The following PRKCZ variants were observed in gnomAD, a reference collection of about 807,000 sequenced individuals.
PRKCZ encodes the protein protein kinase C zeta type.
PRKCZ carries 33 observed loss-of-function variants against 79.5 expected under a neutral mutation model. That is an observed-to-expected ratio of 0.41 (90% confidence interval 0.31 to 0.55). PRKCZ has a LOEUF of 0.55. PRKCZ is among the 20% of genes least tolerant of loss of function. The pLI is 0.19. For synonymous variants in PRKCZ, 342 were observed against 320.9 expected (o/e 1.07, Z -0.70); for missense variants, 578 against 813.5 (o/e 0.71, Z 3.52).
At chr1:2,154,646 A>C (rs1680578429) in intron 9 of PRKCZ, among the ~76,000 whole-genome samples, 1 of 152,198 alleles carries the variant, frequency 6.6e-6, no homozygotes, top group East Asian at 1.9e-4. Context: ...TGCAGTGAGC[A>C]GTAATCGCAC....
intron 4 of PRKCZ, among the ~76,000 whole-genome samples, chr1:2,079,230 A>G (rs2803342): frequency 0.15 from 22,146 of 152,160 alleles, 5,029 homozygotes; most frequent in African/African-American, 0.49. Context: ...CCGGCTGAGA[A>G]GCACCGCGGT....
At position 2,177,195 on chromosome 1, in the gene PRKCZ, C is replaced by T. The variant is rs1038931173; in HGVS notation, c.1575+1882C>T. 1.4e-4 allele frequency among the ~76,000 whole-genome samples: 21 copies of T among 152,272 alleles called. No homozygotes were observed. Among genetic ancestry groups the T allele is most frequent in the African/African-American group, 5.1e-4 (21 of 41,556 alleles). On this transcript the variant is annotated intron_variant, in intron 16 of 17. Transcript: ENST00000378567. The surrounding 1 kb of genome is among the most constrained non-coding windows in gnomAD (Gnocchi z 6.4). The stretch of plus-strand genomic sequence containing the variant: ...CTAGCTGGTGTTAGTGGTGGCATCC[C>T]CTTGTCTCTGGCCCACAGAACCCCT...
intron 1 of PRKCZ, among the ~76,000 whole-genome samples, chr1:2,053,274 TA>T (rs1026835172): frequency 7.2e-5 from 11 of 152,224 alleles, no homozygotes; most frequent in Middle Eastern, 3.4e-3. Flanking sequence ...TTAACTTTTG[TA>T]GTTTTAGTAG....
At chr1:2,122,747 CGGTGGTTAGGGTTGT>C (rs774901762) in intron 4 of PRKCZ, among the ~76,000 whole-genome samples, 2 of 2,722 alleles carry the variant, frequency 7.3e-4, no homozygotes, top group Middle Eastern at 0.17. Flanking sequence ...AGGGTCGTGG[CGGTGGTTAGGGTTGT>C]GGTGGTTAGG....
intron 10 of PRKCZ, chr1:2,169,195 C>T (rs932644935): frequency 6.4e-6 from 3 of 472,090 alleles, no homozygotes; most frequent in African/African-American, 2.0e-5. Context: ...TGGTCCAAGC[C>T]ACCTCCACTC....
At chr1:2,160,239 G>C (rs551120035) in intron 10 of PRKCZ, among the ~76,000 whole-genome samples, 6 of 30,090 alleles carry the variant, frequency 2.0e-4, no homozygotes, top group Non-Finnish European at 3.4e-4. Flanking sequence ...AGCAGTGTGC[G>C]TGTGTGTGTG....
At chr1:2,180,867 A>C (rs1045756869) in intron 16 of PRKCZ, among the ~76,000 whole-genome samples, 4 of 152,002 alleles carry the variant, frequency 2.6e-5, no homozygotes, top group Admixed American at 1.3e-4. Context: ...CATCACCCCA[A>C]CAGTGCAGGG....
At chr1:2,062,917 A>G (rs1370504149) in intron 4 of PRKCZ, among the ~76,000 whole-genome samples, 6 of 152,042 alleles carry the variant, frequency 3.9e-5, no homozygotes, top group Admixed American at 3.3e-4. Context: ...GTCTCCATGA[A>G]ACACTCACTC....
intron 4 of PRKCZ, among the ~76,000 whole-genome samples, chr1:2,103,192 T>G (rs961636016): frequency 1.3e-5 from 2 of 152,118 alleles, no homozygotes; most frequent in Non-Finnish European, 2.9e-5. Context: ...TGTACTCATA[T>G]CTCTGTTTCC....
intron 4 of PRKCZ, among the ~76,000 whole-genome samples, chr1:2,100,791 T>C (rs764378572): frequency 7.2e-5 from 11 of 152,062 alleles, no homozygotes; most frequent in Non-Finnish European, 5.9e-5. Context: ...AGGAGACTTA[T>C]TCAGAGGGAG....
intron 4 of PRKCZ, among the ~76,000 whole-genome samples, chr1:2,060,850 C>CG (rs1442436524): frequency 1.3e-5 from 2 of 152,168 alleles, no homozygotes; most frequent in East Asian, 3.9e-4. Flanking sequence ...GGTGGCCAGA[C>CG]GGTGGGCGTC....
rs543999739 is a variant in PRKCZ at position 2,125,460 on chromosome 1, A to T, written c.335-9802A>T. The stretch of plus-strand genomic sequence containing the variant: ...CGGCTGCTGACAGCAGCATTTGAGG[A>T]CGGTGGGGCGGAGGACATCCTGGGG... On this transcript the variant is annotated intron_variant, in intron 4 of 17. Transcript: ENST00000378567. The surrounding 1 kb of genome is among the most constrained non-coding windows in gnomAD (Gnocchi z 4.2). 1.3e-5 allele frequency among the ~76,000 whole-genome samples: 2 copies of T among 152,288 alleles called. No homozygotes were observed. Among genetic ancestry groups the T allele is most frequent in the South Asian group, 4.1e-4 (2 of 4,826 alleles).
intron 4 of PRKCZ, among the ~76,000 whole-genome samples, chr1:2,111,463 C>T (rs1156568050): frequency 2.6e-5 from 4 of 151,624 alleles, no homozygotes; most frequent in Non-Finnish European, 4.4e-5. Flanking sequence ...GTCTGGGTGT[C>T]TCCAGAGAAG....
Position 2,078,520 on chromosome 1 carries a change from T to C in PRKCZ, c.334+18929T>C, listed in dbSNP as rs577623871. Among the ~76,000 whole-genome samples the C allele has an allele frequency of 2.0e-4, 30 of 152,296 alleles. 1 individual carries two copies. Among genetic ancestry groups the C allele is most frequent in the African/African-American group, 7.0e-4 (29 of 41,570 alleles). On this transcript the variant is annotated intron_variant, in intron 4 of 17. Coordinates refer to ENST00000378567, the MANE Select transcript of PRKCZ (RefSeq NM_002744.6). ...AGGGTTCTCAAGTTTCATGATAATG[T>C]TCCTTGTCGTGGAAACTTCTTTGTC...
intron 7 of PRKCZ, among the ~76,000 whole-genome samples, chr1:2,146,773 A>G (rs1678625443): frequency 6.6e-6 from 1 of 152,182 alleles, no homozygotes; most frequent in Non-Finnish European, 1.5e-5. Context: ...CACAGAACAT[A>G]AAGCACTTAG....
intron 4 of PRKCZ, among the ~76,000 whole-genome samples, chr1:2,091,805 C>T (rs1176340445): frequency 6.6e-6 from 1 of 152,196 alleles, no homozygotes; most frequent in Non-Finnish European, 1.5e-5. Flanking sequence ...CAGGTGGGAG[C>T]AGCAGGGGGC....
chr1:2,108,255 C>T (rs950126722), intron 4 of PRKCZ, among the ~76,000 whole-genome samples: 1 of 152,256 alleles, frequency 6.6e-6, no homozygotes, highest in African/African-American at 2.4e-5. Context: ...AGAACCCCGG[C>T]CTCTTCGCCC....
chr1:2,148,843 C>T (rs770973456), intron 7 of PRKCZ, 29 bp from the exon 8 acceptor site: 43 of 1,611,646 alleles, frequency 2.7e-5, no homozygotes, highest in South Asian at 1.6e-4. Context: ...CACACCGTAA[C>T]GCCCCTTCCT....
At chr1:2,099,669 G>C (rs1667128141) in intron 4 of PRKCZ, among the ~76,000 whole-genome samples, 1 of 152,154 alleles carries the variant, frequency 6.6e-6, no homozygotes. Flanking sequence ...TGACAGAGGG[G>C]AGCTCACTGG....
Sources: gnomAD v4.1 joint callset for allele counts (sites outside exome capture counted in the v4.1 genomes callset) on GRCh38, gnomAD v4.1.1 for gene constraint, Gnocchi (gnomAD v3.1) non-coding constraint, MANE v1.5 for transcripts, NCBI Gene and HGNC (gene_info 2026-07-23, HGNC 2026-07-21) for gene names.